Variants in ART3 observed in about 807,000 individuals in gnomAD.
ART3 encodes the protein ADP-ribosyltransferase 3 (inactive), also known as ecto-ADP-ribosyltransferase 3.
Under a neutral mutation model 48.5 loss-of-function variants are expected in ART3, and 49 were observed. That is an observed-to-expected ratio of 1.01 (90% CI 0.80 to 1.28). The LOEUF is 1.28. Ranked by LOEUF, ART3 falls within the 50% of genes most tolerant of loss-of-function variation. The probability of loss-of-function intolerance (pLI) is 0.00; values close to 1 mark genes in which losing one functional copy is unlikely to be tolerated. For synonymous variants in ART3, 145 were observed against 157.2 expected (o/e 0.92, Z 0.58); for missense variants, 438 against 454.3 (o/e 0.96, Z 0.33).
chr4:76,022,293 A>G (rs1732915482), intron 1 of ART3: 13 of 1,227,276 alleles, frequency 1.1e-5, no homozygotes, highest in Non-Finnish European at 1.3e-5. Flanking sequence ...GCAAACCACA[A>G]TGCAAGTATT....
chr4:76,023,509 G>T, intron 1 of ART3: 1 of 1,314,292 alleles, frequency 7.6e-7, no homozygotes. Flanking sequence ...GAAAACGTGG[G>T]GCTAGTGTGC....
chr4:76,088,081 T>C (rs1327950828), intron 3 of ART3, among the ~76,000 whole-genome samples: 2 of 152,060 alleles, frequency 1.3e-5, no homozygotes, highest in African/African-American at 2.4e-5. Context: ...AATTACTCCA[T>C]TGGAAAATTA....
intron 10 of ART3, chr4:76,105,397 G>A: frequency 1.2e-6 from 1 of 867,518 alleles, no homozygotes; most frequent in Non-Finnish European, 1.5e-6. Flanking sequence ...AATGAGGAAA[G>A]CTTCTGTCTT....
At chr4:76,110,702 C>T (rs1729315843) in intron 11 of ART3, among the ~76,000 whole-genome samples, 1 of 152,088 alleles carries the variant, frequency 6.6e-6, no homozygotes. Flanking sequence ...ATATAGTCGA[C>T]CCTTGAACAA....
At chr4:76,032,416 A>C (rs1370670383) in intron 1 of ART3, among the ~76,000 whole-genome samples, 1 of 151,986 alleles carries the variant, frequency 6.6e-6, no homozygotes, top group Non-Finnish European at 1.5e-5. Flanking sequence ...TATGTTGCCC[A>C]AGCTAGTCTT....
intron 11 of ART3, among the ~76,000 whole-genome samples, chr4:76,108,250 T>C (rs1728841902): frequency 6.6e-6 from 1 of 152,044 alleles, no homozygotes; most frequent in African/African-American, 2.4e-5. Flanking sequence ...TTTACATTTA[T>C]GCAAATAAAT....
At chr4:76,068,513 A>C (rs1719963634) in intron 1 of ART3, among the ~76,000 whole-genome samples, 1 of 152,216 alleles carries the variant, frequency 6.6e-6, no homozygotes, top group South Asian at 2.1e-4. Context: ...ATCCTTAGCA[A>C]ACTCATGCGG....
chr4:76,095,725 A>G (rs1725858913), intron 3 of ART3, among the ~76,000 whole-genome samples: 1 of 152,144 alleles, frequency 6.6e-6, no homozygotes, highest in Non-Finnish European at 1.5e-5. Flanking sequence ...GTGGCTGGAA[A>G]ACTACACTTT....
At chr4:76,088,076 C>T (rs1321364482) in intron 3 of ART3, among the ~76,000 whole-genome samples, 2 of 152,066 alleles carry the variant, frequency 1.3e-5, no homozygotes, top group African/African-American at 2.4e-5. Context: ...AAAAAAATTA[C>T]TCCATTGGAA....
chr4:76,106,912 A>G (rs1214830515), intron 10 of ART3, among the ~76,000 whole-genome samples: 1 of 152,142 alleles, frequency 6.6e-6, no homozygotes, highest in Non-Finnish European at 1.5e-5. Flanking sequence ...ATCAGGTTCA[A>G]CTTGGGATTT....
At chr4:76,104,490 C>T (rs1728035441) in intron 9 of ART3, 107 bp from the exon 10 acceptor site, 3 of 1,532,848 alleles carry the variant, frequency 2.0e-6, no homozygotes, top group South Asian at 2.5e-5. Flanking sequence ...AACTATAGTG[C>T]ATTGGGGCCT....
chr4:76,046,418 G>A (rs1238215967), intron 1 of ART3, among the ~76,000 whole-genome samples: 1 of 152,000 alleles, frequency 6.6e-6, no homozygotes, highest in Non-Finnish European at 1.5e-5. Context: ...CTGACTGTTC[G>A]GTTTTTGTAC....
Position 76,112,692 on chromosome 4 carries a change from C to A in ART3, c.*173C>A. ...TCAGAAAGTTGGTCCAGATATATGT[C>A]ACAGAACTTTTCACTTGTATACTAC... On this transcript the variant is annotated 3_prime_UTR_variant, in exon 12 of 12. Transcript: ENST00000355810. The A allele has an allele frequency of 1.5e-6, 1 of 683,864 alleles. No individual in the cohort carries two copies. Among genetic ancestry groups the A allele is most frequent in the Non-Finnish European group, 2.2e-6 (1 of 448,312 alleles). The allele number at this position is 683,864 out of a possible 1,614,324, so 42.4% of individuals were successfully genotyped here.
chr4:76,106,333 A>C, intron 10 of ART3: 1 of 985,432 alleles, frequency 1.0e-6, no homozygotes, highest in Non-Finnish European at 1.2e-6. Context: ...GGTAGTACAG[A>C]TGGTCTCCAA....
Position 76,107,784 on chromosome 4 carries a change from A to G in ART3, c.1027A>G (p.Asn343Asp), listed in dbSNP as rs777905768. The change falls in exon 11 of 12, where the codon AAC becomes GAC. Residue 343 changes from asparagine to aspartate, a missense_variant. Asn to Asp is a conservative substitution (Grantham distance 23). Transcript: ENST00000355810. ...LPEDKSQGNI[N>D]NPTPGPVPVP... ...AGAAGATAAAAGTCAAGGAAATATC[A>G]ACAATCCTAGTAAGAAGTATCTCAT... 1.0e-5 allele frequency: 15 copies of G among 1,478,884 alleles called. No individual in the cohort carries two copies. Among genetic ancestry groups the G allele is most frequent in the Non-Finnish European group, 1.1e-5 (12 of 1,087,200 alleles). 91.6% of individuals were successfully genotyped at this position (1,478,884 alleles called of 1,614,324 possible).
chr4:76,029,033 C>T (rs1322989761), intron 1 of ART3, among the ~76,000 whole-genome samples: 1 of 152,092 alleles, frequency 6.6e-6, no homozygotes, highest in Non-Finnish European at 1.5e-5. Flanking sequence ...TTCTCCTTCC[C>T]ATAAATAAGA....
chr4:76,052,693 C>T (rs1188990530), intron 1 of ART3, among the ~76,000 whole-genome samples: 2 of 149,348 alleles, frequency 1.3e-5, no homozygotes, highest in Non-Finnish European at 3.0e-5. Flanking sequence ...TGAGAACATG[C>T]GTGTACCCAA....
intron 1 of ART3, among the ~76,000 whole-genome samples, chr4:76,056,976 T>C: frequency 9.4e-6 from 1 of 106,496 alleles, no homozygotes; most frequent in Admixed American, 1.2e-4. Flanking sequence ...TTACTATTAA[T>C]TCTTTAAAAA....
intron 2 of ART3, among the ~76,000 whole-genome samples, chr4:76,080,946 C>T (rs1386078984): frequency 1.3e-5 from 2 of 152,098 alleles, no homozygotes; most frequent in Non-Finnish European, 2.9e-5. Flanking sequence ...CATTACACCA[C>T]CCTGCTTCTT....
Sources: gnomAD v4.1 joint callset for allele counts (sites outside exome capture counted in the v4.1 genomes callset) on GRCh38, gnomAD v4.1.1 for gene constraint, MANE v1.5 for transcripts, NCBI Gene and HGNC (gene_info 2026-07-23, HGNC 2026-07-21) for gene names.